RREB1: variants seen among roughly 807,000 people sequenced by gnomAD.
The protein encoded by RREB1 is ras responsive element binding protein 1.
Under a neutral mutation model 117.8 loss-of-function variants are expected in RREB1, and 27 were observed. The ratio of observed to expected loss-of-function variants is 0.23; its 90% CI spans 0.17 to 0.32. The LOEUF (loss-of-function observed/expected upper bound fraction) is 0.32, where lower values mean the gene tolerates loss of function less well. Among genes scored for constraint, RREB1 ranks in the 10% least tolerant of loss-of-function variants. The probability of loss-of-function intolerance (pLI) is 1.00; values close to 1 mark genes in which losing one functional copy is unlikely to be tolerated. For missense variants in RREB1, 2,577 were observed against 2,378.2 expected, an observed-to-expected ratio of 1.08 and a Z score of -1.74; for synonymous variants, 1,298 against 1,026.7, an observed-to-expected ratio of 1.26 and a Z score of -5.05.
At chr6:7,109,665 C>T (rs1761040186) in intron 1 of RREB1, among the ~76,000 whole-genome samples, 1 of 152,240 alleles carries the variant, frequency 6.6e-6, no homozygotes, top group Non-Finnish European at 1.5e-5. Flanking sequence ...CCTTGCTCAG[C>T]AGATTTGCCC....
chr6:7,206,529 T>C (rs1439656574), intron 6 of RREB1, among the ~76,000 whole-genome samples: 1 of 152,246 alleles, frequency 6.6e-6, no homozygotes, highest in East Asian at 1.9e-4. Context: ...GACCAACACC[T>C]ATGTGCCACC....
chr6:7,205,870 T>G (rs1292566049), intron 6 of RREB1, among the ~76,000 whole-genome samples: 1 of 152,202 alleles, frequency 6.6e-6, no homozygotes, highest in Non-Finnish European at 1.5e-5. Flanking sequence ...GCCATTTAAG[T>G]TGAAAATCAG....
intron 11 of RREB1, among the ~76,000 whole-genome samples, chr6:7,242,067 T>G (rs1768739350): frequency 6.6e-6 from 1 of 152,184 alleles, no homozygotes; most frequent in South Asian, 2.1e-4. Flanking sequence ...TCATCCTGGT[T>G]TAGAAAGCTG....
At chr6:7,186,726 G>A (rs1160817909) in intron 4 of RREB1, among the ~76,000 whole-genome samples, 2 of 152,176 alleles carry the variant, frequency 1.3e-5, no homozygotes, top group Non-Finnish European at 2.9e-5. Context: ...GCATTCTGAG[G>A]GAACATAAAA....
chr6:7,234,242 T>C (rs2113136330), intron 10 of RREB1, among the ~76,000 whole-genome samples: 1 of 152,324 alleles, frequency 6.6e-6, no homozygotes, highest in South Asian at 2.1e-4. Flanking sequence ...CTACCCTTTT[T>C]TGGGTGCCAC....
chr6:7,149,077 C>T (rs1422450042), intron 1 of RREB1, among the ~76,000 whole-genome samples: 1 of 152,142 alleles, frequency 6.6e-6, no homozygotes, highest in Non-Finnish European at 1.5e-5. Flanking sequence ...CGCGTGCTAC[C>T]ACACCCAGCT....
At chr6:7,246,015 CTT>C (rs1367744057) in intron 11 of RREB1, among the ~76,000 whole-genome samples, 9 of 152,200 alleles carry the variant, frequency 5.9e-5, no homozygotes, top group Admixed American at 1.3e-4. Context: ...TGTATGATCT[CTT>C]TGCACTGGAA....
intron 6 of RREB1, among the ~76,000 whole-genome samples, chr6:7,190,203 A>G (rs1581514685): frequency 6.6e-6 from 1 of 152,190 alleles, no homozygotes; most frequent in African/African-American, 2.4e-5. Context: ...TCAAGTCTCA[A>G]CTGCTACTTG....
At chr6:7,232,896 AG>A (rs1768090099) in intron 10 of RREB1, among the ~76,000 whole-genome samples, 1 of 151,510 alleles carries the variant, frequency 6.6e-6, no homozygotes, top group Non-Finnish European at 1.5e-5. Context: ...TGGCCCCAAA[AG>A]TATTTTTCTT....
chr6:7,181,161 C>T lies in RREB1; in HGVS notation c.-128C>T, dbSNP rs944340500. On this transcript the variant is annotated 5_prime_UTR_variant, in exon 3 of 13. Transcript: ENST00000379938. ...CTACCAAGAGAAGAAGACAAGAGGT[C>T]AACACAGACTCATTTTCTACTCCGT... The T allele has an allele frequency of 7.5e-6, 3 of 398,436 alleles. No individual in the cohort carries two copies. The highest frequency in any genetic ancestry group is 6.2e-5 in the African/African-American group (3 of 48,610). The allele number at this position is 398,436 out of a possible 1,614,324, so 24.7% of individuals were successfully genotyped here.
Position 7,230,950 on chromosome 6 carries a change from G to C in RREB1, c.2851G>C (p.Ala951Pro). Residue 951 changes from alanine (A) to proline (P), a missense_variant, in exon 10 of 13, where the codon GCC becomes CCC. Coordinates refer to ENST00000379938, the MANE Select transcript of RREB1 (RefSeq NM_001003699.4). ...CTTCAGGAAAGGGGACAAGGATTTG[G>C]CCACTCCCAGCGAAGCCAAGAAGCC... ...KNFRKGDKDL[A>P]TPSEAKKPEE... is the part of the protein sequence containing the mutation. The C allele has an allele frequency of 2.5e-6, 4 of 1,613,972 alleles. No individual in the cohort carries two copies. The highest frequency in any genetic ancestry group is 3.4e-6 in the Non-Finnish European group (4 of 1,179,918).
intron 1 of RREB1, among the ~76,000 whole-genome samples, chr6:7,109,980 T>A (rs2113269872): frequency 6.6e-6 from 1 of 152,364 alleles, no homozygotes; most frequent in South Asian, 2.1e-4. Flanking sequence ...CTTAGCTCTT[T>A]AAAAGCCAGT....
chr6:7,146,728 C>T (rs1277755983), intron 1 of RREB1, among the ~76,000 whole-genome samples: 1 of 151,196 alleles, frequency 6.6e-6, no homozygotes, highest in Non-Finnish European at 1.5e-5. Context: ...AGCAGACTCA[C>T]ATAGGCTATT....
chr6:7,217,901 A>G (rs1464957560), intron 8 of RREB1: 1 of 152,230 alleles, frequency 6.6e-6, no homozygotes, highest in East Asian at 1.9e-4. Flanking sequence ...GGCAGAGAAC[A>G]TGAAAGCAAT....
intron 6 of RREB1, among the ~76,000 whole-genome samples, chr6:7,193,615 TG>T (rs1455519361): frequency 7.2e-5 from 11 of 152,222 alleles, no homozygotes; most frequent in Admixed American, 3.9e-4. Context: ...TGTTTTGTTT[TG>T]TTTTTTTGGA....
In RREB1 at chr6:7,226,524, G is replaced by A. The variant is rs759101444; in HGVS notation, c.765G>A (p.Ala255=). 5.0e-5 allele frequency: 80 copies of A among 1,613,970 alleles called. No homozygotes were observed. The highest frequency in any genetic ancestry group is 6.7e-5 in the East Asian group (3 of 44,890). ...RTHRGLLRHN[A]LVHKQLPRDA... is the part of the protein sequence containing the mutation. ...ATCGAGGACTGCTGCGTCACAACGC[G>A]CTTGTCCACAAACAACTTCCCAGGG... The change falls in exon 9 of 13, where the codon GCG becomes GCA. Residue 255 remains alanine (A), a synonymous_variant. Coordinates refer to ENST00000379938, the MANE Select transcript of RREB1 (RefSeq NM_001003699.4).
intron 8 of RREB1, chr6:7,211,913 A>T: frequency 1.7e-6 from 1 of 584,936 alleles, no homozygotes; most frequent in Non-Finnish European, 3.0e-6. Context: ...GGGTGTTCAC[A>T]TGGTTCACTG....
intron 2 of RREB1, among the ~76,000 whole-genome samples, chr6:7,179,264 T>C (rs773356905): frequency 1.3e-5 from 2 of 152,228 alleles, no homozygotes; most frequent in African/African-American, 2.4e-5. Context: ...TCTACACACA[T>C]ACACACACAT....
intron 6 of RREB1, among the ~76,000 whole-genome samples, chr6:7,206,515 T>C (rs1377962721): frequency 6.6e-6 from 1 of 152,262 alleles, no homozygotes; most frequent in Non-Finnish European, 1.5e-5. Context: ...AGCAGATACT[T>C]ACTGACCAAC....
Sources: gnomAD v4.1 joint callset for allele counts (sites outside exome capture counted in the v4.1 genomes callset) on GRCh38, gnomAD v4.1.1 for gene constraint, MANE v1.5 for transcripts, NCBI Gene and HGNC (gene_info 2026-07-23, HGNC 2026-07-21) for gene names.